The following XKR4 variants were observed in gnomAD, a reference collection of about 807,000 sequenced individuals.
The protein encoded by XKR4 is XK-related protein 4.
Under a neutral mutation model 53.9 loss-of-function variants are expected in XKR4, and 12 were observed. The ratio of observed to expected loss-of-function variants is 0.22; its 90% CI spans 0.14 to 0.36. XKR4 has a LOEUF of 0.36. XKR4 is among the 10% of genes least tolerant of loss of function. The pLI is 1.00. For missense variants in XKR4, 799 were observed against 859.5 expected, an observed-to-expected ratio of 0.93 and a Z score of 0.88; for synonymous variants, 354 against 362.4, an observed-to-expected ratio of 0.98 and a Z score of 0.26.
At chr8:55,142,279 G>A (rs2129354375) in intron 1 of XKR4, 1 of 437,666 alleles carries the variant, frequency 2.3e-6, no homozygotes. Context: ...CATTCTCCTG[G>A]ATAAGGAAAG....
In XKR4 at chr8:55,103,084, G is replaced by C. The variant is rs1045663344; in HGVS notation, c.596G>C (p.Gly199Ala). 41 of 1,612,892 alleles carry C rather than the reference G, an allele frequency of 2.5e-5. No individual in the cohort carries two copies. The highest frequency in any genetic ancestry group is 3.2e-5 in the Non-Finnish European group (38 of 1,179,798). Residue 199 changes from glycine to alanine, a missense_variant, in exon 1 of 3, where the codon GGG (glycine) becomes GCG (alanine). This residue lies in a region of XKR4 where 476 missense variants were observed against 505.4 expected (regional missense o/e 0.94). Coordinates refer to ENST00000327381, the MANE Select transcript of XKR4 (RefSeq NM_052898.2). ...GATTGCAAGACGGTGGTCGGCGGTG[G>C]GTCTGCAGCCGGGGAAGGCGAGGCT... Reference protein sequence around the residue: ...GADCKTVVGGGSAAGEGEARP... With the variant: ...GADCKTVVGGASAAGEGEARP...
At chr8:55,479,520 G>T (rs1371479488) in intron 2 of XKR4, among the ~76,000 whole-genome samples, 2 of 152,090 alleles carry the variant, frequency 1.3e-5, no homozygotes, top group Non-Finnish European at 2.9e-5. Flanking sequence ...ACATTCAAAA[G>T]CTAGCAGAAG....
chr8:55,231,064 C>T (rs931174665), intron 1 of XKR4, among the ~76,000 whole-genome samples: 10 of 152,080 alleles, frequency 6.6e-5, no homozygotes, highest in African/African-American at 2.2e-4. Flanking sequence ...ATGAAGAGTT[C>T]GAAACTGACG....
chr8:55,464,914 G>A (rs1425288480), intron 2 of XKR4, among the ~76,000 whole-genome samples: 2 of 152,004 alleles, frequency 1.3e-5, no homozygotes, highest in Admixed American at 1.3e-4. Context: ...AAATACCTAG[G>A]AATCCAACTT....
At chr8:55,273,005 T>C in intron 1 of XKR4, 2 of 417,534 alleles carry the variant, frequency 4.8e-6, no homozygotes, top group Non-Finnish European at 9.4e-6. Flanking sequence ...TGCCTCAGCC[T>C]GTCTCTAAGG....
At chr8:55,450,685 A>G in intron 2 of XKR4, 1 of 587,544 alleles carries the variant, frequency 1.7e-6, no homozygotes, top group Non-Finnish European at 3.2e-6. Context: ...TCCAGCCAGA[A>G]TGTGGGCTCC....
intron 1 of XKR4, among the ~76,000 whole-genome samples, chr8:55,322,891 C>A (rs1214123552): frequency 6.6e-6 from 1 of 152,050 alleles, no homozygotes; most frequent in African/African-American, 2.4e-5. Context: ...CATCTTGTTT[C>A]TTTTTCTTGC....
intron 1 of XKR4, among the ~76,000 whole-genome samples, chr8:55,203,883 A>G (rs894021347): frequency 1.3e-5 from 2 of 152,186 alleles, no homozygotes; most frequent in East Asian, 1.9e-4. Flanking sequence ...GCAGGGCACT[A>G]TGGAGATATG....
intron 1 of XKR4, among the ~76,000 whole-genome samples, chr8:55,228,236 C>G (rs1432882284): frequency 6.6e-6 from 1 of 152,110 alleles, no homozygotes; most frequent in African/African-American, 2.4e-5. Context: ...TTTAGCAGAG[C>G]TGCCACGTGG....
chr8:55,385,342 G>A (rs1202209357), intron 2 of XKR4, among the ~76,000 whole-genome samples: 1 of 152,110 alleles, frequency 6.6e-6, no homozygotes, highest in African/African-American at 2.4e-5. Flanking sequence ...GGCTCACCCT[G>A]CGCTCCTCCC....
intron 1 of XKR4, among the ~76,000 whole-genome samples, chr8:55,304,292 T>C (rs1819257505): frequency 1.3e-5 from 2 of 152,190 alleles, no homozygotes; most frequent in African/African-American, 4.8e-5. Context: ...TCAGTTTCCA[T>C]GTAGTTGAGC....
chr8:55,222,222 A>G (rs1180457263), intron 1 of XKR4, among the ~76,000 whole-genome samples: 3 of 152,220 alleles, frequency 2.0e-5, no homozygotes, highest in Admixed American at 6.5e-5. Flanking sequence ...GACCCAGGGA[A>G]ACAAAAATTT....
At chr8:55,234,457 G>A (rs1052224842) in intron 1 of XKR4, among the ~76,000 whole-genome samples, 9 of 152,146 alleles carry the variant, frequency 5.9e-5, no homozygotes, top group East Asian at 1.9e-4. Context: ...TTTGGGGGCC[G>A]AGTCTGAAGG....
At position 55,528,985 on chromosome 8, in the gene XKR4, C is replaced by A. The variant is rs1236320495; in HGVS notation, c.*4758C>A. ...AGGCACCTGGGTGGCAGCATCAGAC[C>A]ACTGAAGTTGTTGTGTTGACATATG... is the stretch of plus-strand genomic sequence containing the variant. On this transcript the variant is annotated 3_prime_UTR_variant, in exon 3 of 3. Transcript: ENST00000327381. The A allele has an allele frequency of 2.0e-5, 3 of 150,078 alleles. No homozygotes were observed. The highest frequency in any genetic ancestry group is 4.4e-5 in the Non-Finnish European group (3 of 67,748). The allele number at this position is 150,078 out of a possible 1,614,324, so 9.3% of individuals were successfully genotyped here.
At chr8:55,310,051 C>CTG (rs559911859) in intron 1 of XKR4, among the ~76,000 whole-genome samples, 2 of 151,280 alleles carry the variant, frequency 1.3e-5, no homozygotes, top group Admixed American at 6.6e-5. Flanking sequence ...GCATGTGTGT[C>CTG]TGTGTGTGTG....
rs1209114827 is a variant in XKR4 at position 55,450,786 on chromosome 8, C to G, written c.1007-72495C>G. 7 of 533,198 alleles carry G rather than the reference C, an allele frequency of 1.3e-5. No homozygotes were observed. In the Admixed American group the frequency reaches 1.5e-4, roughly 11 times the overall value. 33.0% of individuals were successfully genotyped at this position (533,198 alleles called of 1,614,324 possible). A position where few individuals can be genotyped will look rare whatever the true frequency, so the allele number is the denominator to read the frequency against. The stretch of plus-strand genomic sequence containing the variant: ...GCGTTCAGTAGAAGGGGTCTGAGAA[C>G]AGCTGCACCAAGGATACCACATGGG... On this transcript the variant is annotated intron_variant, in intron 2 of 2. Coordinates refer to ENST00000327381, the MANE Select transcript of XKR4 (RefSeq NM_052898.2).
At chr8:55,326,882 C>T (rs1043703691) in intron 1 of XKR4, among the ~76,000 whole-genome samples, 7 of 151,476 alleles carry the variant, frequency 4.6e-5, no homozygotes, top group Non-Finnish European at 8.8e-5. Context: ...AAGGAGAAGA[C>T]GGCCTAAAGA....
At chr8:55,112,428 A>G (rs1816244637) in intron 1 of XKR4, among the ~76,000 whole-genome samples, 1 of 152,138 alleles carries the variant, frequency 6.6e-6, no homozygotes, top group Admixed American at 6.5e-5. Context: ...TTTAAGAAGG[A>G]CAGAGTTGCC....
In XKR4 at chr8:55,129,040, A is replaced by G. The variant is rs116688501; in HGVS notation, c.806+25746A>G. On this transcript the variant is annotated intron_variant, in intron 1 of 2. Coordinates refer to ENST00000327381, the MANE Select transcript of XKR4 (RefSeq NM_052898.2). ...TGGAAGCTTCTACAAATATTCTCAC[A>G]TGCCAGCTGAATTTAGAAGACTTTT... is the stretch of plus-strand genomic sequence containing the variant. Among the ~76,000 whole-genome samples, 362 of 152,332 alleles carry G rather than the reference A, an allele frequency of 2.4e-3. 1 individual carries two copies. The highest frequency in any genetic ancestry group is 8.4e-3 in the African/African-American group (350 of 41,580).
Sources: allele counts gnomAD v4.1 joint callset (sites outside exome capture counted in the v4.1 genomes callset), GRCh38; gene constraint gnomAD v4.1.1; regional missense constraint gnomAD v4.1.1; transcripts MANE v1.5; gene names NCBI Gene and HGNC (gene_info 2026-07-23, HGNC 2026-07-21).